Variants in STPG2 observed in about 807,000 individuals in gnomAD.
STPG2 encodes sperm tail PG-rich repeat containing 2, also known as sperm-tail PG-rich repeat-containing protein 2.
Under a neutral mutation model 54.2 loss-of-function variants are expected in STPG2, and 56 were observed. The ratio of observed to expected loss-of-function variants is 1.03; its 90% CI spans 0.83 to 1.29. STPG2 has a LOEUF of 1.29. Ranked by LOEUF, STPG2 falls within the 50% of genes most tolerant of loss-of-function variation. STPG2 has a pLI of 0.00. For missense variants in STPG2, 596 were observed against 544.9 expected (o/e 1.09, Z -0.93); for synonymous variants, 200 against 181.8 (o/e 1.10, Z -0.81).
intron 8 of STPG2, among the ~76,000 whole-genome samples, chr4:97,888,829 G>C (rs986275905): frequency 2.0e-5 from 3 of 152,112 alleles, no homozygotes; most frequent in Non-Finnish European, 4.4e-5. Context: ...GTTGAAGGTG[G>C]GGCCTGGTAG....
intron 3 of STPG2, among the ~76,000 whole-genome samples, chr4:98,112,201 C>T (rs2865983): frequency 0.32 from 47,874 of 151,802 alleles, 7,699 homozygotes; most frequent in African/African-American, 0.35. Flanking sequence ...ACCAGATATA[C>T]AATGGTGAGC....
At chr4:97,920,693 G>A (rs1227624711) in intron 8 of STPG2, among the ~76,000 whole-genome samples, 1 of 152,142 alleles carries the variant, frequency 6.6e-6, no homozygotes, top group Admixed American at 6.5e-5. Context: ...CTGACAACCT[G>A]GCTGAGAGTA....
chr4:97,478,424 C>G (rs1303845284), intron 4 of STPG2, among the ~76,000 whole-genome samples: 2 of 152,056 alleles, frequency 1.3e-5, no homozygotes, highest in African/African-American at 4.8e-5. Flanking sequence ...ATTAAAAGGA[C>G]AGCAACTTGA....
chr4:97,935,268 C>T (rs543439410), intron 8 of STPG2, among the ~76,000 whole-genome samples: 1 of 151,998 alleles, frequency 6.6e-6, no homozygotes, highest in African/African-American at 2.4e-5. Context: ...ATGCTAGCTA[C>T]ATTAACTTTG....
chr4:97,886,194 A>T (rs1283801375), intron 8 of STPG2, among the ~76,000 whole-genome samples: 1 of 152,208 alleles, frequency 6.6e-6, no homozygotes, highest in Non-Finnish European at 1.5e-5. Context: ...GAGTGGCAAA[A>T]TCGAAGTGTA....
intron 5 of STPG2, among the ~76,000 whole-genome samples, chr4:98,069,545 G>A (rs13124102): frequency 0.32 from 47,935 of 151,568 alleles, 7,781 homozygotes; most frequent in Middle Eastern, 0.36. Flanking sequence ...CCCCTCTTAA[G>A]CTAAAAAAAG....
chr4:97,480,306 C>T (rs949164091), intron 4 of STPG2, among the ~76,000 whole-genome samples: 6 of 151,530 alleles, frequency 4.0e-5, no homozygotes, highest in East Asian at 3.9e-4. Flanking sequence ...AAAGTCTTTC[C>T]GGTTTACCCA....
chr4:97,957,518 G>A (rs773018154), intron 7 of STPG2, among the ~76,000 whole-genome samples: 3 of 152,070 alleles, frequency 2.0e-5, no homozygotes, highest in Non-Finnish European at 4.4e-5. Flanking sequence ...TGAGGAAAAC[G>A]TTCCCAGCCT....
chr4:97,616,048 ATACATATAAATATATAT>A (rs1227329083), intron 10 of STPG2, among the ~76,000 whole-genome samples: 28 of 91,882 alleles, frequency 3.0e-4, no homozygotes, highest in African/African-American at 1.1e-3. Context: ...AAAAAAAAAA[ATACATATAAATATATAT>A]ATATATATAT....
intron 8 of STPG2, among the ~76,000 whole-genome samples, chr4:97,875,941 C>A (rs1253050092): frequency 1.3e-5 from 2 of 151,520 alleles, no homozygotes; most frequent in East Asian, 3.9e-4. Flanking sequence ...AATATAAAAC[C>A]AACAACAGGC....
intron 10 of STPG2, among the ~76,000 whole-genome samples, chr4:97,679,084 A>T (rs1205252847): frequency 6.6e-6 from 1 of 152,124 alleles, no homozygotes; most frequent in Admixed American, 6.5e-5. Context: ...TGCAATAAAC[A>T]TACGTGTGCA....
chr4:98,031,743 G>T (rs1338832623), intron 5 of STPG2, among the ~76,000 whole-genome samples: 1 of 152,100 alleles, frequency 6.6e-6, no homozygotes, highest in Non-Finnish European at 1.5e-5. Flanking sequence ...AAGAGCTTTT[G>T]TGTGGCAAAA....
At chr4:97,726,890 C>A (rs1196476525) in intron 9 of STPG2, among the ~76,000 whole-genome samples, 2 of 151,500 alleles carry the variant, frequency 1.3e-5, no homozygotes, top group Admixed American at 6.6e-5. Context: ...TGGCAAGAGG[C>A]CTCCTCCAAC....
chr4:97,607,017 C>T (rs904336991), intron 10 of STPG2, among the ~76,000 whole-genome samples: 2 of 151,968 alleles, frequency 1.3e-5, no homozygotes, highest in African/African-American at 4.8e-5. Context: ...ATAATTATAA[C>T]TTAAAAATTT....
chr4:97,608,526 C>T (rs1733650482), intron 10 of STPG2, among the ~76,000 whole-genome samples: 2 of 151,988 alleles, frequency 1.3e-5, no homozygotes, highest in Admixed American at 1.3e-4. Context: ...CTTCTGGAGT[C>T]AACAGTGTCC....
intron 10 of STPG2, among the ~76,000 whole-genome samples, chr4:97,584,112 G>A (rs1489946228): frequency 6.6e-6 from 1 of 151,846 alleles, no homozygotes; most frequent in Non-Finnish European, 1.5e-5. Flanking sequence ...CATTCCCCAA[G>A]ATACACCACA....
At chr4:97,931,346 G>C (rs1427707583) in intron 8 of STPG2, among the ~76,000 whole-genome samples, 1 of 152,082 alleles carries the variant, frequency 6.6e-6, no homozygotes, top group Non-Finnish European at 1.5e-5. Flanking sequence ...TTATTATTTT[G>C]GGAAATATTC....
At chr4:97,841,170 T>C (rs1031639117) in intron 8 of STPG2, among the ~76,000 whole-genome samples, 1 of 151,750 alleles carries the variant, frequency 6.6e-6, no homozygotes, top group Non-Finnish European at 1.5e-5. Flanking sequence ...TAGGATCATA[T>C]TCTTTAAAAA....
At chr4:98,095,447 CAG>C (rs1738828663) in intron 5 of STPG2, among the ~76,000 whole-genome samples, 1 of 152,152 alleles carries the variant, frequency 6.6e-6, no homozygotes, top group Admixed American at 6.5e-5. Flanking sequence ...TAAAGATGCA[CAG>C]AGACTGAAAG....
Sources: gnomAD v4.1 joint callset for allele counts (sites outside exome capture counted in the v4.1 genomes callset) on GRCh38, gnomAD v4.1.1 for gene constraint, MANE v1.5 for transcripts, NCBI Gene and HGNC (gene_info 2026-07-23, HGNC 2026-07-21) for gene names.